The following MCTP2 variants were observed in gnomAD, a reference collection of about 807,000 sequenced individuals.
The protein encoded by MCTP2 is multiple C2 and transmembrane domain-containing protein 2.
A neutral mutation model predicts 111.6 loss-of-function variants in MCTP2; 132 were observed. The ratio of observed to expected loss-of-function variants is 1.18; its 90% CI spans 1.03 to 1.37. MCTP2 has a LOEUF of 1.37. MCTP2 is among the 40% of genes most tolerant of loss of function. The pLI is 0.00. For synonymous variants in MCTP2, 395 were observed against 387.7 expected, an observed-to-expected ratio of 1.02 and a Z score of -0.22; for missense variants, 1,183 against 1,067.9, an observed-to-expected ratio of 1.11 and a Z score of -1.50.
At chr15:94,408,942 A>T (rs1357004572) in intron 17 of MCTP2, among the ~76,000 whole-genome samples, 1 of 152,042 alleles carries the variant, frequency 6.6e-6, no homozygotes, top group East Asian at 1.9e-4. Flanking sequence ...GCCTTTTCTG[A>T]GCTTTCTGTT....
chr15:94,406,604 T>A (rs2081907781), intron 17 of MCTP2, among the ~76,000 whole-genome samples: 1 of 152,176 alleles, frequency 6.6e-6, no homozygotes, highest in Non-Finnish European at 1.5e-5. Flanking sequence ...GAGACCAAAA[T>A]TAAAGAAGCC....
intron 19 of MCTP2, 107 bp from the exon 20 acceptor site, chr15:94,458,030 C>T (rs2084944643): frequency 6.2e-6 from 4 of 640,944 alleles, no homozygotes; most frequent in South Asian, 1.9e-5. Flanking sequence ...TCTCTTGTGT[C>T]ACTCTATTGG....
chr15:94,462,477 G>A (rs924494268), intron 20 of MCTP2, among the ~76,000 whole-genome samples: 2 of 152,216 alleles, frequency 1.3e-5, no homozygotes, highest in Non-Finnish European at 1.5e-5. Context: ...GATTTACCAA[G>A]CTCCTTCAAC....
chr15:94,408,900 G>C (rs1256736525), intron 17 of MCTP2, among the ~76,000 whole-genome samples: 1 of 152,164 alleles, frequency 6.6e-6, no homozygotes, highest in African/African-American at 2.4e-5. Context: ...TGTAGGTCCA[G>C]GCTCTGCGTG....
intron 1 of MCTP2, among the ~76,000 whole-genome samples, chr15:94,254,634 T>C (rs1394400115): frequency 6.6e-6 from 1 of 152,222 alleles, no homozygotes; most frequent in Non-Finnish European, 1.5e-5. Flanking sequence ...CAGCAATTCA[T>C]ATGTGGATGA....
chr15:94,315,456 C>T (rs1464592698), intron 3 of MCTP2, 73 bp from the exon 4 acceptor site: 5 of 1,089,950 alleles, frequency 4.6e-6, no homozygotes, highest in African/African-American at 3.1e-5. Flanking sequence ...CCTCCAAAAT[C>T]GAGAAGTATT....
intron 8 of MCTP2, among the ~76,000 whole-genome samples, chr15:94,351,939 C>T (rs1235989169): frequency 2.0e-5 from 3 of 152,170 alleles, no homozygotes; most frequent in African/African-American, 7.2e-5. Context: ...AGATAAGAGG[C>T]ACCACCTGGC....
intron 14 of MCTP2, among the ~76,000 whole-genome samples, chr15:94,395,794 T>C (rs1216284204): frequency 9.9e-5 from 15 of 152,210 alleles, no homozygotes; most frequent in Non-Finnish European, 1.5e-5. Flanking sequence ...AGCAAGACTG[T>C]CTTCAGTGAC....
At chr15:94,352,265 C>T (rs1404453309) in intron 8 of MCTP2, among the ~76,000 whole-genome samples, 2 of 152,140 alleles carry the variant, frequency 1.3e-5, no homozygotes, top group Admixed American at 6.5e-5. Flanking sequence ...TGGTCTTGAA[C>T]GAGAAGTAAA....
At chr15:94,462,557 G>A (rs2085280991) in intron 20 of MCTP2, among the ~76,000 whole-genome samples, 1 of 152,066 alleles carries the variant, frequency 6.6e-6, no homozygotes, top group African/African-American at 2.4e-5. Flanking sequence ...AAGTGTTAGG[G>A]GTATTGCTAC....
At chr15:94,260,545 A>G (rs1476768308) in intron 1 of MCTP2, among the ~76,000 whole-genome samples, 1 of 152,160 alleles carries the variant, frequency 6.6e-6, no homozygotes, top group Admixed American at 6.5e-5. Flanking sequence ...AACTTGTACA[A>G]AGTTTATCTG....
At chr15:94,300,082 A>G (rs1197113692) in intron 2 of MCTP2, among the ~76,000 whole-genome samples, 1 of 152,252 alleles carries the variant, frequency 6.6e-6, no homozygotes, top group Non-Finnish European at 1.5e-5. Flanking sequence ...GTTGAATTAT[A>G]TAATAAAGTT....
At chr15:94,471,612 C>T (rs1339291054) in intron 21 of MCTP2, among the ~76,000 whole-genome samples, 1 of 151,966 alleles carries the variant, frequency 6.6e-6, no homozygotes, top group Non-Finnish European at 1.5e-5. Context: ...TATTTTAATA[C>T]TTGATGATCC....
At chr15:94,401,626 C>T (rs10520752) in intron 16 of MCTP2, among the ~76,000 whole-genome samples, 12,258 of 152,204 alleles carry the variant, frequency 0.081, 832 homozygotes, top group African/African-American at 0.18. Context: ...CTGGCTTCTG[C>T]AGTTTCACCA....
intron 2 of MCTP2, among the ~76,000 whole-genome samples, chr15:94,309,837 G>A (rs181442082): frequency 6.6e-4 from 101 of 152,216 alleles, no homozygotes; most frequent in African/African-American, 2.3e-3. Flanking sequence ...ATGCAAAGTT[G>A]CTTTTATTTA....
intron 4 of MCTP2, among the ~76,000 whole-genome samples, chr15:94,328,402 C>A (rs142767246): frequency 0.022 from 3,275 of 151,992 alleles, 55 homozygotes; most frequent in Non-Finnish European, 0.033. Flanking sequence ...TGCTGGGATT[C>A]CAGGTGTGAG....
intron 1 of MCTP2, among the ~76,000 whole-genome samples, chr15:94,235,241 C>T (rs1317946625): frequency 3.6e-5 from 5 of 138,578 alleles, no homozygotes; most frequent in East Asian, 2.1e-4. Context: ...GAGACAAGAG[C>T]GAAACTCCGT....
intron 14 of MCTP2, among the ~76,000 whole-genome samples, chr15:94,391,122 A>G (rs141639790): frequency 1.8e-4 from 28 of 151,720 alleles, no homozygotes; most frequent in South Asian, 8.4e-4. Flanking sequence ...GGGTCTTTAT[A>G]CTGTCCTTCT....
At chr15:94,239,362 GC>G (rs374192053) in intron 1 of MCTP2, among the ~76,000 whole-genome samples, 33 of 152,278 alleles carry the variant, frequency 2.2e-4, no homozygotes, top group African/African-American at 7.9e-4. Flanking sequence ...ATAATCTGGG[GC>G]TCAGGAGTGC....
Sources: allele counts gnomAD v4.1 joint callset (sites outside exome capture counted in the v4.1 genomes callset), GRCh38; gene constraint gnomAD v4.1.1; transcripts MANE v1.5; gene names NCBI Gene and HGNC (gene_info 2026-07-23, HGNC 2026-07-21).